The following COL15A1 variants were observed in gnomAD, a reference collection of about 807,000 sequenced individuals.
COL15A1 encodes the protein collagen type XV alpha 1 chain, also known as collagen alpha-1(XV) chain.
A neutral mutation model predicts 165.9 loss-of-function variants in COL15A1; 111 were observed. The ratio of observed to expected loss-of-function variants is 0.67; its 90% CI spans 0.57 to 0.78. The LOEUF is 0.78. Among genes scored for constraint, COL15A1 ranks in the 30% least tolerant of loss-of-function variants. COL15A1 has a pLI of 0.00. For missense variants in COL15A1, 1,745 were observed against 1,789.7 expected (o/e 0.98, Z 0.45); for synonymous variants, 659 against 674.8 (o/e 0.98, Z 0.36).
chr9:98,947,584 T>G (rs1031622882), intron 2 of COL15A1, among the ~76,000 whole-genome samples: 9 of 152,196 alleles, frequency 5.9e-5, no homozygotes, highest in African/African-American at 2.2e-4. Context: ...AGGCCCCAGA[T>G]CTGGTGGGGC....
chr9:99,051,486 C>T (rs1039119534), intron 30 of COL15A1, among the ~76,000 whole-genome samples: 2 of 152,220 alleles, frequency 1.3e-5, no homozygotes, highest in African/African-American at 2.4e-5. Flanking sequence ...GCCAGCATCT[C>T]ATGAGCCCCT....
chr9:98,960,326 A>G (rs1270377524), intron 2 of COL15A1, among the ~76,000 whole-genome samples: 1 of 152,102 alleles, frequency 6.6e-6, no homozygotes, highest in Non-Finnish European at 1.5e-5. Context: ...CTTGAGCCCA[A>G]GAGGTTAAGG....
At chr9:99,011,801 G>C (rs938044084) in intron 9 of COL15A1, among the ~76,000 whole-genome samples, 2 of 151,978 alleles carry the variant, frequency 1.3e-5, no homozygotes, top group African/African-American at 2.4e-5. Flanking sequence ...ACTGTACCTA[G>C]ATTACTGTAT....
chr9:98,981,246 T>C (rs75197738), intron 2 of COL15A1, among the ~76,000 whole-genome samples: 2,249 of 152,180 alleles, frequency 0.015, 133 homozygotes, highest in East Asian at 0.096. Context: ...TCACCTGAGG[T>C]CAGGAGTTCG....
intron 7 of COL15A1, among the ~76,000 whole-genome samples, chr9:99,001,320 C>T (rs1439610611): frequency 1.3e-5 from 2 of 152,198 alleles, no homozygotes; most frequent in African/African-American, 2.4e-5. Flanking sequence ...TGTGTTCATG[C>T]TATTGTTTGG....
At chr9:98,963,015 T>C (rs1796582697) in intron 2 of COL15A1, among the ~76,000 whole-genome samples, 1 of 152,240 alleles carries the variant, frequency 6.6e-6, no homozygotes, top group Non-Finnish European at 1.5e-5. Context: ...ACGTTTACCT[T>C]TCCAGGAATA....
chr9:99,050,392 C>A (rs1255309651), intron 30 of COL15A1, among the ~76,000 whole-genome samples: 1 of 152,206 alleles, frequency 6.6e-6, no homozygotes, highest in Non-Finnish European at 1.5e-5. Context: ...GAGAAGCTCA[C>A]TGGCTTGTCC....
intron 2 of COL15A1, among the ~76,000 whole-genome samples, chr9:98,978,587 G>A (rs1838182455): frequency 6.6e-6 from 1 of 152,168 alleles, no homozygotes; most frequent in Non-Finnish European, 1.5e-5. Context: ...GTGGAGGAAA[G>A]AAAAGAAATC....
intron 9 of COL15A1, among the ~76,000 whole-genome samples, chr9:99,010,781 T>C (rs1239992482): frequency 6.6e-6 from 1 of 152,240 alleles, no homozygotes; most frequent in African/African-American, 2.4e-5. Context: ...AAAAAAAATA[T>C]TCTTTTTGTT....
intron 2 of COL15A1, among the ~76,000 whole-genome samples, chr9:98,955,373 G>T (rs1837759196): frequency 6.6e-6 from 1 of 152,226 alleles, no homozygotes; most frequent in African/African-American, 2.4e-5. Context: ...CATCACTGTG[G>T]GTTCCTTGAG....
intron 2 of COL15A1, among the ~76,000 whole-genome samples, chr9:98,956,813 C>G (rs1371752622): frequency 6.6e-6 from 1 of 152,242 alleles, no homozygotes; most frequent in Admixed American, 6.5e-5. Context: ...TGGCTTCACC[C>G]CCAGAACTCA....
intron 2 of COL15A1, among the ~76,000 whole-genome samples, chr9:98,978,300 C>G (rs1249998302): frequency 6.6e-6 from 1 of 152,202 alleles, no homozygotes; most frequent in Non-Finnish European, 1.5e-5. Flanking sequence ...GTGGGAGCCT[C>G]TCAGGCCCTT....
intron 11 of COL15A1, among the ~76,000 whole-genome samples, chr9:99,017,846 A>G (rs1287017470): frequency 6.6e-6 from 1 of 152,202 alleles, no homozygotes; most frequent in Non-Finnish European, 1.5e-5. Flanking sequence ...GAAAACCTAA[A>G]AATGTCACAA....
intron 2 of COL15A1, among the ~76,000 whole-genome samples, chr9:98,973,987 C>G (rs563753040): frequency 6.6e-6 from 1 of 152,334 alleles, no homozygotes; most frequent in South Asian, 2.1e-4. Context: ...AGTCATATGC[C>G]AAGTTGGTGG....
intron 16 of COL15A1, among the ~76,000 whole-genome samples, chr9:99,030,159 ACATTT>A (rs1026407549): frequency 5.3e-5 from 8 of 152,322 alleles, no homozygotes; most frequent in African/African-American, 1.9e-4. Context: ...CAGTAAGCCA[ACATTT>A]TGAATCAATT....
At chr9:99,049,070 G>T (rs960284078) in intron 28 of COL15A1, among the ~76,000 whole-genome samples, 1 of 152,114 alleles carries the variant, frequency 6.6e-6, no homozygotes, top group Non-Finnish European at 1.5e-5. Flanking sequence ...CATTTAGAGT[G>T]ATCAATACAC....
chr9:98,985,072 G>A (rs754535469), intron 2 of COL15A1, among the ~76,000 whole-genome samples: 8 of 152,100 alleles, frequency 5.3e-5, no homozygotes, highest in South Asian at 2.1e-4. Context: ...GATTTTAGGC[G>A]TGAGCCACCA....
chr9:99,053,160 G>T (rs545601301), intron 31 of COL15A1, among the ~76,000 whole-genome samples: 1 of 152,338 alleles, frequency 6.6e-6, no homozygotes, highest in South Asian at 2.1e-4. Flanking sequence ...CAGTCACTCT[G>T]GTCCCCCTGT....
intron 26 of COL15A1, among the ~76,000 whole-genome samples, chr9:99,045,588 T>A (rs762608302): frequency 2.0e-5 from 3 of 152,206 alleles, no homozygotes; most frequent in Non-Finnish European, 4.4e-5. Context: ...TACTGATGCT[T>A]CACATAGGTC....
Sources: allele counts gnomAD v4.1 joint callset (sites outside exome capture counted in the v4.1 genomes callset), GRCh38; gene constraint gnomAD v4.1.1; transcripts MANE v1.5; gene names NCBI Gene and HGNC (gene_info 2026-07-23, HGNC 2026-07-21).